Variants in LRP1B observed in about 807,000 individuals in gnomAD.
LRP1B encodes the protein low-density lipoprotein receptor-related protein 1B.
A neutral mutation model predicts 556.6 loss-of-function variants in LRP1B; 217 were observed. That is an observed-to-expected ratio of 0.39 (90% CI 0.35 to 0.44). LRP1B has a LOEUF of 0.44. LRP1B is among the 20% of genes least tolerant of loss of function. The pLI is 1.00. For synonymous variants in LRP1B, 2,047 were observed against 1,865.8 expected, an observed-to-expected ratio of 1.10 and a Z score of -2.50; for missense variants, 5,053 against 5,620.8, an observed-to-expected ratio of 0.90 and a Z score of 3.23.
chr2:142,095,825 T>G (rs1706342519), intron 1 of LRP1B, among the ~76,000 whole-genome samples: 1 of 151,714 alleles, frequency 6.6e-6, no homozygotes, highest in Non-Finnish European at 1.5e-5. Flanking sequence ...AACCCCTAGG[T>G]TTATTGCTAA....
rs184164444 is a variant in LRP1B at position 141,673,107 on chromosome 2, T to C, written c.205+137172A>G. On this transcript the variant is annotated intron_variant, in intron 2 of 90. Transcript: ENST00000389484. ...ACCTGGAAGTCTTCTGCCTTCAAGATTGGCATTCTTTCCATTTTACCATTT... is the reference window on the plus strand; with the variant it reads ...ACCTGGAAGTCTTCTGCCTTCAAGACTGGCATTCTTTCCATTTTACCATTT... 5.3e-5 allele frequency among the ~76,000 whole-genome samples: 8 copies of C among 152,304 alleles called. No homozygotes were observed. The East Asian group carries it at 1.2e-3, about 22-fold the overall frequency.
rs539072703 is a variant in LRP1B, at chr2:141,300,496, G to T, written c.344-45855C>A. Reference sequence around the variant, plus strand: ...ACCTAAACTAATCTGAAATGGTTTGGATCAGTGTCCTCAACCAAATCTTAG... The same window carrying T: ...ACCTAAACTAATCTGAAATGGTTTGTATCAGTGTCCTCAACCAAATCTTAG... On this transcript the variant is annotated intron_variant, in intron 3 of 90. Coordinates refer to ENST00000389484, the MANE Select transcript of LRP1B (RefSeq NM_018557.3). Among the ~76,000 whole-genome samples, 111 of 152,248 alleles carry T rather than the reference G, an allele frequency of 7.3e-4. 1 individual carries two copies. The highest frequency in any genetic ancestry group is 2.2e-3 in the Admixed American group (34 of 15,284).
At chr2:141,545,597 C>A (rs139938548) in intron 2 of LRP1B, among the ~76,000 whole-genome samples, 2 of 152,222 alleles carry the variant, frequency 1.3e-5, no homozygotes, top group South Asian at 2.1e-4. Flanking sequence ...GTAATCACAG[C>A]GCTTCAGGAG....
chr2:141,797,635 C>A (rs984546913), intron 2 of LRP1B, among the ~76,000 whole-genome samples: 3 of 152,058 alleles, frequency 2.0e-5, no homozygotes, highest in Non-Finnish European at 2.9e-5. Context: ...AGAGTTAGAA[C>A]CATACAAGAC....
At chr2:141,647,163 G>T (rs1449624010) in intron 2 of LRP1B, among the ~76,000 whole-genome samples, 2 of 152,146 alleles carry the variant, frequency 1.3e-5, no homozygotes, top group Non-Finnish European at 2.9e-5. Context: ...TAATGCTTTA[G>T]CCAGGGAATG....
intron 2 of LRP1B, among the ~76,000 whole-genome samples, chr2:141,492,176 G>A (rs1029359053): frequency 8.0e-5 from 12 of 149,624 alleles, no homozygotes; most frequent in African/African-American, 1.2e-4. Context: ...CTTGTTCTCA[G>A]ATTAAGAAAC....
intron 35 of LRP1B, among the ~76,000 whole-genome samples, chr2:140,752,654 T>G (rs1208101166): frequency 6.6e-6 from 1 of 152,244 alleles, no homozygotes; most frequent in Non-Finnish European, 1.5e-5. Context: ...CATGTATCTT[T>G]ATATATGTAT....
chr2:140,598,548 G>T, intron 43 of LRP1B, 83 bp downstream of exon 43: 1 of 1,018,482 alleles, frequency 9.8e-7, no homozygotes, highest in Non-Finnish European at 1.5e-6. Context: ...TCCTTGATAT[G>T]TACATTTTAG....
At chr2:141,442,471 G>A (rs1461548833) in intron 3 of LRP1B, among the ~76,000 whole-genome samples, 2 of 145,044 alleles carry the variant, frequency 1.4e-5, no homozygotes, top group African/African-American at 5.2e-5. Flanking sequence ...GGATACATGT[G>A]CAGAACATGT....
intron 86 of LRP1B, among the ~76,000 whole-genome samples, chr2:140,257,931 C>G (rs1213533151): frequency 6.6e-6 from 1 of 152,154 alleles, no homozygotes; most frequent in Non-Finnish European, 1.5e-5. Context: ...GAGTGCTGCT[C>G]AGCCTGACAG....
At chr2:141,042,326 A>T (rs1012397270) in intron 11 of LRP1B, among the ~76,000 whole-genome samples, 3 of 152,076 alleles carry the variant, frequency 2.0e-5, no homozygotes, top group African/African-American at 7.2e-5. Flanking sequence ...TAAGCTCCAG[A>T]TTCGTCTCTT....
intron 21 of LRP1B, among the ~76,000 whole-genome samples, chr2:140,921,304 T>C (rs1161849125): frequency 6.6e-6 from 1 of 152,000 alleles, no homozygotes; most frequent in Non-Finnish European, 1.5e-5. Flanking sequence ...ATTTTCCATA[T>C]TGGTTTATAT....
At chr2:141,292,035 C>T (rs778423370) in intron 3 of LRP1B, among the ~76,000 whole-genome samples, 10 of 152,154 alleles carry the variant, frequency 6.6e-5, no homozygotes, top group African/African-American at 1.4e-4. Flanking sequence ...AACGAGGCTG[C>T]GCAGCAGCAG....
At chr2:141,861,210 C>T (rs1383707787) in intron 1 of LRP1B, among the ~76,000 whole-genome samples, 1 of 152,150 alleles carries the variant, frequency 6.6e-6, no homozygotes, top group South Asian at 2.1e-4. Flanking sequence ...ATGGCCACAA[C>T]TTCAACTGCC....
intron 47 of LRP1B, among the ~76,000 whole-genome samples, chr2:140,531,173 T>C (rs945630697): frequency 1.3e-5 from 2 of 152,148 alleles, no homozygotes; most frequent in Admixed American, 1.3e-4. Context: ...TTTTGATGAA[T>C]CTTGCCTTAA....
intron 7 of LRP1B, among the ~76,000 whole-genome samples, chr2:141,098,252 A>G (rs1257862330): frequency 1.3e-5 from 2 of 152,308 alleles, no homozygotes; most frequent in South Asian, 2.1e-4. Context: ...GTATAACAGG[A>G]AAATAAAATA....
At chr2:141,685,956 G>T (rs1691286198) in intron 2 of LRP1B, among the ~76,000 whole-genome samples, 1 of 151,940 alleles carries the variant, frequency 6.6e-6, no homozygotes, top group Non-Finnish European at 1.5e-5. Flanking sequence ...TACATACACT[G>T]CATTTATCCA....
intron 7 of LRP1B, among the ~76,000 whole-genome samples, chr2:141,119,529 A>T (rs1159752859): frequency 6.6e-6 from 1 of 151,886 alleles, no homozygotes; most frequent in African/African-American, 2.4e-5. Flanking sequence ...CAAAGGATTG[A>T]ATCACGTATG....
intron 3 of LRP1B, among the ~76,000 whole-genome samples, chr2:141,463,604 A>G (rs1682025218): frequency 9.1e-6 from 1 of 109,682 alleles, no homozygotes; most frequent in East Asian, 2.2e-4. Flanking sequence ...TATATTATAT[A>G]TTATATATAA....
Sources: gnomAD v4.1 joint callset for allele counts (sites outside exome capture counted in the v4.1 genomes callset) on GRCh38, gnomAD v4.1.1 for gene constraint, MANE v1.5 for transcripts, NCBI Gene and HGNC (gene_info 2026-07-23, HGNC 2026-07-21) for gene names.